ADGRB3: variants seen among roughly 807,000 people sequenced by gnomAD.
ADGRB3 encodes adhesion G protein-coupled receptor B3.
ADGRB3 carries 37 observed loss-of-function variants against 193.4 expected under a neutral mutation model. That is an observed-to-expected ratio of 0.19 (90% CI 0.15 to 0.25). The LOEUF (loss-of-function observed/expected upper bound fraction) is 0.25. ADGRB3 is among the 10% of genes least tolerant of loss of function. ADGRB3 has a pLI of 1.00. For missense variants in ADGRB3, 1,637 were observed against 1,852.9 expected (o/e 0.88, Z 2.14); for synonymous variants, 690 against 644.2 (o/e 1.07, Z -1.08).
At chr6:68,701,890 G>A (rs1765248266) in intron 3 of ADGRB3, among the ~76,000 whole-genome samples, 1 of 152,128 alleles carries the variant, frequency 6.6e-6, no homozygotes, top group Admixed American at 6.6e-5. Context: ...ACTCTTTAAA[G>A]ATAGAAGTGA....
intron 3 of ADGRB3, among the ~76,000 whole-genome samples, chr6:68,684,002 A>G (rs1764941532): frequency 1.3e-5 from 2 of 152,236 alleles, no homozygotes; most frequent in African/African-American, 4.8e-5. Flanking sequence ...TCATTTAGAA[A>G]TGTGGGCAAG....
chr6:69,030,938 ATTTTC>A (rs1395955710), intron 13 of ADGRB3, among the ~76,000 whole-genome samples: 4 of 48,732 alleles, frequency 8.2e-5, no homozygotes, highest in Middle Eastern at 0.017. Flanking sequence ...TTGGGTTTTA[ATTTTC>A]TTTTCTTTTC....
chr6:69,138,849 A>C lies in ADGRB3; in HGVS notation c.2480+62811A>C, dbSNP rs138035188. Reference sequence around the variant, plus strand: ...AACTAAGGGAAGCAAAGGTTATAAAAGGAATAATTTAATGTGAGAAAAATT... The same window carrying C: ...AACTAAGGGAAGCAAAGGTTATAAACGGAATAATTTAATGTGAGAAAAATT... On this transcript the variant is annotated intron_variant, in intron 17 of 31. Coordinates refer to ENST00000370598, the MANE Select transcript of ADGRB3 (RefSeq NM_001704.3). Among the ~76,000 whole-genome samples the C allele has an allele frequency of 1.8e-3, 270 of 152,354 alleles. 2 individuals carry two copies. Among genetic ancestry groups the C allele is most frequent in the African/African-American group, 6.2e-3 (257 of 41,588 alleles).
intron 3 of ADGRB3, among the ~76,000 whole-genome samples, chr6:68,895,211 G>T (rs543356459): frequency 8.1e-6 from 1 of 124,216 alleles, no homozygotes; most frequent in East Asian, 2.1e-4. Flanking sequence ...TGCTGAATCT[G>T]CTGAGACTAA....
At chr6:68,717,124 T>C (rs927900468) in intron 3 of ADGRB3, among the ~76,000 whole-genome samples, 27 of 151,724 alleles carry the variant, frequency 1.8e-4, no homozygotes, top group African/African-American at 5.3e-4. Context: ...ATAACATATT[T>C]ATCAATAAAT....
intron 8 of ADGRB3, among the ~76,000 whole-genome samples, chr6:68,964,188 T>C (rs1319419917): frequency 6.6e-6 from 1 of 152,222 alleles, no homozygotes; most frequent in Non-Finnish European, 1.5e-5. Context: ...GATTCATCTT[T>C]CTTTGGAAAT....
intron 3 of ADGRB3, among the ~76,000 whole-genome samples, chr6:68,641,797 A>G (rs952921363): frequency 2.0e-5 from 3 of 152,102 alleles, no homozygotes; most frequent in Admixed American, 1.3e-4. Context: ...GTGAAAATCT[A>G]TTGACCTTTG....
chr6:68,898,901 C>T (rs1475737639), intron 3 of ADGRB3, among the ~76,000 whole-genome samples: 1 of 152,078 alleles, frequency 6.6e-6, no homozygotes, highest in East Asian at 1.9e-4. Context: ...AAATGAATGA[C>T]AGTCTAAAAT....
rs147306260 is a variant in ADGRB3, at chr6:68,741,718, C to T, written c.757+102286C>T. ...TCTTAACCACTGTTTGTTACCTTTT[C>T]TATCATAAGTATAGAAGAGTAATCT... On this transcript the variant is annotated intron_variant, in intron 3 of 31. Transcript: ENST00000370598. 1.6e-4 allele frequency among the ~76,000 whole-genome samples: 24 copies of T among 152,286 alleles called. No individual in the cohort carries two copies. In the East Asian group the frequency reaches 2.9e-3, roughly 18 times the overall value.
chr6:69,075,351 C>T (rs2150312398), intron 16 of ADGRB3, among the ~76,000 whole-genome samples: 1 of 152,242 alleles, frequency 6.6e-6, no homozygotes, highest in African/African-American at 2.4e-5. Flanking sequence ...TTGAATAATG[C>T]AGTGTGAAAA....
At chr6:68,842,319 A>G (rs910335694) in intron 3 of ADGRB3, among the ~76,000 whole-genome samples, 1 of 152,094 alleles carries the variant, frequency 6.6e-6, no homozygotes, top group East Asian at 1.9e-4. Flanking sequence ...AAAATTAGAG[A>G]TGAAAAAAGG....
At chr6:69,091,311 A>G (rs537851798) in intron 17 of ADGRB3, among the ~76,000 whole-genome samples, 39 of 152,354 alleles carry the variant, frequency 2.6e-4, no homozygotes, top group African/African-American at 9.4e-4. Context: ...GGTAATATAA[A>G]TCATTTTATT....
intron 3 of ADGRB3, among the ~76,000 whole-genome samples, chr6:68,779,583 T>C (rs1380970116): frequency 6.6e-6 from 1 of 152,144 alleles, no homozygotes; most frequent in African/African-American, 2.4e-5. Flanking sequence ...GTCTTAGTAG[T>C]ATGTCTGCCT....
At chr6:69,183,913 C>T (rs904219715) in intron 17 of ADGRB3, among the ~76,000 whole-genome samples, 1 of 151,942 alleles carries the variant, frequency 6.6e-6, no homozygotes, top group African/African-American at 2.4e-5. Flanking sequence ...CTTAATCTTC[C>T]TTGCATTATA....
chr6:69,223,261 C>T (rs1765937771), intron 17 of ADGRB3, among the ~76,000 whole-genome samples: 1 of 152,110 alleles, frequency 6.6e-6, no homozygotes, highest in Non-Finnish European at 1.5e-5. Flanking sequence ...GTATGATTAA[C>T]TCAAGAGTTA....
intron 5 of ADGRB3, among the ~76,000 whole-genome samples, chr6:68,943,302 A>G (rs751513795): frequency 5.9e-5 from 9 of 152,222 alleles, no homozygotes; most frequent in South Asian, 2.1e-4. Context: ...CAAAAAATCT[A>G]TTTTCTAAAA....
intron 3 of ADGRB3, among the ~76,000 whole-genome samples, chr6:68,802,451 A>T (rs1273276454): frequency 6.6e-6 from 1 of 152,146 alleles, no homozygotes; most frequent in African/African-American, 2.4e-5. Flanking sequence ...TGTGATGTAG[A>T]AGCAATAGTT....
At chr6:69,062,224 A>G (rs1283720952) in intron 15 of ADGRB3, among the ~76,000 whole-genome samples, 1 of 151,912 alleles carries the variant, frequency 6.6e-6, no homozygotes, top group Non-Finnish European at 1.5e-5. Context: ...TACTAGAAAA[A>G]GTTGGTTCAG....
At chr6:68,759,683 T>C (rs1766360271) in intron 3 of ADGRB3, among the ~76,000 whole-genome samples, 1 of 152,078 alleles carries the variant, frequency 6.6e-6, no homozygotes, top group Non-Finnish European at 1.5e-5. Context: ...GTTTCCTTAA[T>C]GTGAATGTTT....
Sources: gnomAD v4.1 joint callset for allele counts (sites outside exome capture counted in the v4.1 genomes callset) on GRCh38, gnomAD v4.1.1 for gene constraint, MANE v1.5 for transcripts, NCBI Gene and HGNC (gene_info 2026-07-23, HGNC 2026-07-21) for gene names.